The following NCAM2 variants were observed in gnomAD, a reference collection of about 807,000 sequenced individuals.
NCAM2 encodes neural cell adhesion molecule 2, also known as N-CAM-2.
NCAM2 carries 30 observed loss-of-function variants against 98.1 expected under a neutral mutation model. That is an observed-to-expected ratio of 0.31 (90% CI 0.23 to 0.41). The LOEUF (loss-of-function observed/expected upper bound fraction) is 0.41, where lower values mean the gene tolerates loss of function less well. Ranked by LOEUF, NCAM2 falls within the 10% of genes least tolerant of loss-of-function variation. The pLI is 1.00. For missense variants in NCAM2, 867 were observed against 1,005.8 expected, an observed-to-expected ratio of 0.86 and a Z score of 1.87; for synonymous variants, 368 against 342.4, an observed-to-expected ratio of 1.07 and a Z score of -0.83.
intron 1 of NCAM2, among the ~76,000 whole-genome samples, chr21:21,206,245 T>C (rs1171435971): frequency 6.6e-6 from 1 of 152,190 alleles, no homozygotes; most frequent in Non-Finnish European, 1.5e-5. Flanking sequence ...TAAATTCTTA[T>C]TTTGTAATAA....
chr21:21,449,221 A>G (rs1980648720), intron 12 of NCAM2, among the ~76,000 whole-genome samples: 1 of 152,058 alleles, frequency 6.6e-6, no homozygotes, highest in Admixed American at 6.6e-5. Context: ...TAATTTTATG[A>G]ATCAAATAAA....
At chr21:21,522,687 G>A (rs1450803729) in intron 16 of NCAM2, among the ~76,000 whole-genome samples, 1 of 140,582 alleles carries the variant, frequency 7.1e-6, no homozygotes, top group East Asian at 2.2e-4. Flanking sequence ...CTGGAGTGCA[G>A]TGGTGTGATC....
chr21:21,254,048 C>T (rs1186426455), intron 1 of NCAM2, among the ~76,000 whole-genome samples: 1 of 152,128 alleles, frequency 6.6e-6, no homozygotes, highest in Non-Finnish European at 1.5e-5. Flanking sequence ...AAACCAAAAA[C>T]TTACACCAGA....
At chr21:21,487,614 G>T (rs937642095) in intron 15 of NCAM2, among the ~76,000 whole-genome samples, 2 of 152,070 alleles carry the variant, frequency 1.3e-5, no homozygotes, top group African/African-American at 4.8e-5. Flanking sequence ...ATGCATGATT[G>T]CCATTATCTG....
At chr21:21,515,082 A>T (rs552466463) in intron 16 of NCAM2, among the ~76,000 whole-genome samples, 2 of 152,364 alleles carry the variant, frequency 1.3e-5, no homozygotes, top group Admixed American at 1.3e-4. Flanking sequence ...TTAATTTTGC[A>T]GATTCATTGA....
chr21:21,466,871 C>G, intron 13 of NCAM2, 146 bp downstream of exon 13: 1 of 872,992 alleles, frequency 1.1e-6, no homozygotes, highest in Non-Finnish European at 1.7e-6. Flanking sequence ...ACAGTGACAT[C>G]TGAGATTTAT....
intron 1 of NCAM2, among the ~76,000 whole-genome samples, chr21:21,107,804 G>C (rs905828697): frequency 5.3e-5 from 8 of 152,048 alleles, no homozygotes; most frequent in Admixed American, 3.9e-4. Context: ...CAGTGGATAT[G>C]AGCTGACTTT....
chr21:21,366,778 C>T (rs2148018430), intron 8 of NCAM2, among the ~76,000 whole-genome samples: 1 of 152,118 alleles, frequency 6.6e-6, no homozygotes, highest in African/African-American at 2.4e-5. Context: ...ATATGTCACC[C>T]AGCTTCAATA....
intron 2 of NCAM2, among the ~76,000 whole-genome samples, chr21:21,281,857 T>G (rs1448251969): frequency 1.3e-5 from 2 of 151,594 alleles, no homozygotes; most frequent in African/African-American, 4.8e-5. Flanking sequence ...AGATTCAAAT[T>G]TATAAATATA....
chr21:21,026,079 A>C (rs1225641935), intron 1 of NCAM2, among the ~76,000 whole-genome samples: 1 of 152,184 alleles, frequency 6.6e-6, no homozygotes, highest in Non-Finnish European at 1.5e-5. Flanking sequence ...AGTGCTGAGA[A>C]CTTGGGAAGT....
intron 1 of NCAM2, among the ~76,000 whole-genome samples, chr21:21,189,949 C>T (rs1306715847): frequency 6.6e-6 from 1 of 152,118 alleles, no homozygotes; most frequent in Non-Finnish European, 1.5e-5. Context: ...CAGAAACTTG[C>T]CATGATAGAT....
At chr21:21,388,881 A>C (rs1323911891) in intron 9 of NCAM2, among the ~76,000 whole-genome samples, 1 of 152,170 alleles carries the variant, frequency 6.6e-6, no homozygotes, top group Non-Finnish European at 1.5e-5. Flanking sequence ...AAAATAAAGG[A>C]TATAAAATAT....
intron 1 of NCAM2, among the ~76,000 whole-genome samples, chr21:21,004,405 G>A (rs759556965): frequency 1.3e-5 from 2 of 152,086 alleles, no homozygotes; most frequent in Non-Finnish European, 2.9e-5. Flanking sequence ...AGAATGATCC[G>A]ATTTGCCTAT....
At chr21:21,205,666 G>A (rs1377091379) in intron 1 of NCAM2, among the ~76,000 whole-genome samples, 1 of 151,994 alleles carries the variant, frequency 6.6e-6, no homozygotes, top group African/African-American at 2.4e-5. Context: ...AAACTTTCAA[G>A]AAATGTTAGG....
intron 12 of NCAM2, among the ~76,000 whole-genome samples, chr21:21,453,179 CAGTT>C (rs201729349): frequency 0.14 from 19,596 of 143,028 alleles, 1,337 homozygotes; most frequent in Middle Eastern, 0.15. Flanking sequence ...AATTTTAAAA[CAGTT>C]AATGATATAA....
chr21:21,175,476 C>A (rs2068253103), intron 1 of NCAM2, among the ~76,000 whole-genome samples: 1 of 151,900 alleles, frequency 6.6e-6, no homozygotes, highest in South Asian at 2.1e-4. Flanking sequence ...GAGGTTGCAG[C>A]AGGCTGAGAT....
At chr21:21,146,270 G>A (rs12185835) in intron 1 of NCAM2, among the ~76,000 whole-genome samples, 1 of 151,744 alleles carries the variant, frequency 6.6e-6, no homozygotes, top group African/African-American at 2.4e-5. Flanking sequence ...CACAGCCTTA[G>A]TTTTTATTTT....
At chr21:21,240,178 T>C (rs2071008331) in intron 1 of NCAM2, among the ~76,000 whole-genome samples, 2 of 152,174 alleles carry the variant, frequency 1.3e-5, no homozygotes, top group South Asian at 4.1e-4. Flanking sequence ...AAAACTGTTT[T>C]AAAAGGGACT....
intron 16 of NCAM2, among the ~76,000 whole-genome samples, chr21:21,516,793 T>G (rs1339453062): frequency 6.6e-6 from 1 of 152,306 alleles, no homozygotes; most frequent in East Asian, 1.9e-4. Context: ...ACTTTGGTTT[T>G]CAAATTCTCA....
Sources: allele counts gnomAD v4.1 joint callset (sites outside exome capture counted in the v4.1 genomes callset), GRCh38; gene constraint gnomAD v4.1.1; transcripts MANE v1.5; gene names NCBI Gene and HGNC (gene_info 2026-07-23, HGNC 2026-07-21).